The following TDRD1 variants were observed in gnomAD, a reference collection of about 807,000 sequenced individuals.
TDRD1 encodes tudor domain containing 1, also known as tudor domain-containing protein 1.
In TDRD1, 37 loss-of-function variants were observed where a neutral mutation model predicts 140.6. That is an observed-to-expected ratio of 0.26 (90% CI 0.20 to 0.35). The LOEUF is 0.35. Among genes scored for constraint, TDRD1 ranks in the 10% least tolerant of loss-of-function variants. TDRD1 has a pLI of 1.00. For missense variants in TDRD1, 1,243 were observed against 1,393.0 expected (o/e 0.89, Z 1.71); for synonymous variants, 506 against 475.7 (o/e 1.06, Z -0.83).
intron 18 of TDRD1, among the ~76,000 whole-genome samples, chr10:114,219,317 C>T (rs1255355094): frequency 2.0e-5 from 3 of 152,076 alleles, no homozygotes; most frequent in Non-Finnish European, 1.5e-5. Context: ...TCCTACCTTC[C>T]TCAAAGAGTT....
chr10:114,228,835 G>C (rs1042614399), intron 25 of TDRD1: 1 of 965,280 alleles, frequency 1.0e-6, no homozygotes, highest in Admixed American at 6.2e-5. Context: ...TGTAATCCCA[G>C]CACTTTGGGA....
intron 17 of TDRD1, 124 bp downstream of exon 17, chr10:114,217,779 C>G (rs1410843267): frequency 2.2e-5 from 13 of 598,802 alleles, no homozygotes; most frequent in African/African-American, 5.9e-5. Context: ...TGAATGAATG[C>G]TTACAATGTC....
chr10:114,204,047 A>T (rs752833356), intron 8 of TDRD1, 26 bp from the exon 9 acceptor site: 2 of 1,585,008 alleles, frequency 1.3e-6, no homozygotes, highest in Non-Finnish European at 1.7e-6. Context: ...GTTATGAAGC[A>T]GAGTACCATT....
At chr10:114,206,925 C>G (rs1051535770) in intron 11 of TDRD1, among the ~76,000 whole-genome samples, 1 of 150,408 alleles carries the variant, frequency 6.6e-6, no homozygotes, top group African/African-American at 2.5e-5. Context: ...CAAGTTAGGG[C>G]TTTTTAGCTC....
chr10:114,181,512 A>G (rs890943950), intron 1 of TDRD1, among the ~76,000 whole-genome samples: 1 of 152,200 alleles, frequency 6.6e-6, no homozygotes, highest in Non-Finnish European at 1.5e-5. Flanking sequence ...TTGATACAGG[A>G]TGAACCAAGT....
intron 21 of TDRD1, 64 bp downstream of exon 21, chr10:114,222,767 C>T: frequency 1.1e-6 from 1 of 931,040 alleles, no homozygotes; most frequent in Non-Finnish European, 1.7e-6. Context: ...CTACATGATA[C>T]TATGTAGATT....
intron 1 of TDRD1, among the ~76,000 whole-genome samples, chr10:114,184,065 T>A (rs948018963): frequency 9.2e-5 from 14 of 152,208 alleles, no homozygotes; most frequent in African/African-American, 3.4e-4. Context: ...ATTTCTAAAT[T>A]GCTTCCCAGA....
In TDRD1 at chr10:114,210,578, A is replaced by G. The variant is rs756362961; in HGVS notation, c.1385-3A>G. The stretch of plus-strand genomic sequence containing the variant: ...GCTTATTTTTCTGTTTTCTTCTGAT[A>G]AGGTGATCCTGAAGATGTTGGAAAA... On this transcript the variant is annotated splice_region_variant and splice_polypyrimidine_tract_variant and intron_variant, in intron 11 of 25. Transcript: ENST00000251864. 2 of 1,576,494 alleles carry G rather than the reference A, an allele frequency of 1.3e-6. No homozygotes were observed. The highest frequency in any genetic ancestry group is 1.7e-6 in the Non-Finnish European group (2 of 1,156,926).
chr10:114,220,773 A>G, exon 19 of TDRD1: 1 of 1,611,524 alleles, frequency 6.2e-7, no homozygotes, highest in Admixed American at 1.7e-5. Context: ...CTGCTTCACC[A>G]CATAAAGACT....
chr10:114,204,272 A>G (rs986366354), intron 9 of TDRD1, 56 bp downstream of exon 9: 21 of 1,516,668 alleles, frequency 1.4e-5, no homozygotes, highest in Middle Eastern at 1.8e-4. Context: ...GCTGTTGTCA[A>G]TGTTTTGATG....
chr10:114,220,638 A>G, exon 19 of TDRD1: 2 of 1,613,548 alleles, frequency 1.2e-6, no homozygotes, highest in Non-Finnish European at 1.7e-6. Context: ...TTGCTGGGAT[A>G]AAATTGCAAG....
intron 3 of TDRD1, among the ~76,000 whole-genome samples, chr10:114,191,374 C>T (rs2033953385): frequency 6.6e-6 from 1 of 152,174 alleles, no homozygotes; most frequent in South Asian, 2.1e-4. Flanking sequence ...GTAGCCAATC[C>T]ACTTTTCCTT....
At position 114,203,586 on chromosome 10, in the gene TDRD1, A is replaced by G. The variant is rs756004629; in HGVS notation, c.981+19A>G. The G allele has an allele frequency of 4.4e-6, 7 of 1,579,844 alleles. No individual in the cohort carries two copies. In the East Asian group the frequency reaches 1.6e-4, roughly 35 times the overall value. On this transcript the variant is annotated intron_variant, in intron 8 of 25. Coordinates refer to ENST00000251864, the Ensembl canonical transcript of TDRD1. ...TGATCAGGTAACCTGTAATGAAATG[A>G]ATTATTTAAAACGTTTGAGCTAACT...
At chr10:114,199,853 C>T (rs1002394068) in intron 4 of TDRD1, among the ~76,000 whole-genome samples, 9 of 152,268 alleles carry the variant, frequency 5.9e-5, no homozygotes, top group Middle Eastern at 3.4e-3. Context: ...TCAAACTGTT[C>T]TATTGATGAA....
At chr10:114,206,738 G>C (rs1027510725) in intron 11 of TDRD1, among the ~76,000 whole-genome samples, 1 of 150,768 alleles carries the variant, frequency 6.6e-6, no homozygotes, top group African/African-American at 2.4e-5. Context: ...CTCAGCCTCC[G>C]GAGGAGCTGG....
At chr10:114,175,220 G>T (rs1197121692), upstream of TDRD1, among the ~76,000 whole-genome samples, 2 of 152,046 alleles carry the variant, frequency 1.3e-5, no homozygotes, top group African/African-American at 2.4e-5. Context: ...AGCCTTCCTA[G>T]GGAGACATTA....
At chr10:114,227,389 C>A in intron 23 of TDRD1, 90 bp downstream of exon 23, 1 of 925,574 alleles carries the variant, frequency 1.1e-6, no homozygotes, top group Non-Finnish European at 1.7e-6. Flanking sequence ...TCTCACTTCC[C>A]ATGCCATACT....
chr10:114,198,182 C>G (rs1473217787), intron 3 of TDRD1, among the ~76,000 whole-genome samples: 1 of 152,142 alleles, frequency 6.6e-6, no homozygotes, highest in African/African-American at 2.4e-5. Context: ...ATTACAGCTC[C>G]CCATCTGGTC....
chr10:114,188,197 G>T, intron 2 of TDRD1, 41 bp downstream of exon 2: 2 of 1,519,358 alleles, frequency 1.3e-6, no homozygotes, highest in South Asian at 2.6e-5. Context: ...TCATTCTCAT[G>T]GTTTCTGTGA....
Sources: gnomAD v4.1 joint callset for allele counts (sites outside exome capture counted in the v4.1 genomes callset) on GRCh38, gnomAD v4.1.1 for gene constraint, MANE v1.5 for transcripts, NCBI Gene and HGNC (gene_info 2026-07-23, HGNC 2026-07-21) for gene names.